The following GRIK2 variants were observed in gnomAD, a reference collection of about 807,000 sequenced individuals.
GRIK2 encodes the protein glutamate ionotropic receptor kainate type subunit 2.
GRIK2 carries 32 observed loss-of-function variants against 100.3 expected under a neutral mutation model. That is an observed-to-expected ratio of 0.32 (90% CI 0.24 to 0.43). The LOEUF is 0.43. GRIK2 is among the 20% of genes least tolerant of loss of function. The pLI, the probability that GRIK2 is intolerant of heterozygous loss-of-function variation, is 1.00. For missense variants in GRIK2, 843 were observed against 1,114.9 expected (o/e 0.76, Z 3.47); for synonymous variants, 417 against 389.4 (o/e 1.07, Z -0.83).
intron 14 of GRIK2, among the ~76,000 whole-genome samples, chr6:102,024,024 T>C (rs1255690858): frequency 6.6e-6 from 1 of 151,282 alleles, no homozygotes; most frequent in Admixed American, 6.6e-5. Context: ...AAAAAGAGTC[T>C]AAAATCATAG....
At chr6:101,699,758 G>A (rs1018184764) in intron 7 of GRIK2, among the ~76,000 whole-genome samples, 2 of 152,076 alleles carry the variant, frequency 1.3e-5, no homozygotes, top group African/African-American at 2.4e-5. Flanking sequence ...TCTCAGTAAA[G>A]CCAAATATAC....
At chr6:102,063,648 C>A (rs995931432) in intron 16 of GRIK2, among the ~76,000 whole-genome samples, 1 of 150,176 alleles carries the variant, frequency 6.7e-6, no homozygotes, top group African/African-American at 2.4e-5. Flanking sequence ...GGAAGTTAAG[C>A]TTTTAAGAAT....
At chr6:101,792,677 T>C (rs1779966502) in intron 7 of GRIK2, among the ~76,000 whole-genome samples, 1 of 152,128 alleles carries the variant, frequency 6.6e-6, no homozygotes, top group South Asian at 2.1e-4. Flanking sequence ...AATCTGACAA[T>C]TATGTGTCTT....
At chr6:101,835,027 T>C (rs1011859784) in intron 10 of GRIK2, among the ~76,000 whole-genome samples, 5 of 150,872 alleles carry the variant, frequency 3.3e-5, no homozygotes, top group African/African-American at 1.2e-4. Context: ...CTTACATACA[T>C]ACATAAAGTC....
chr6:101,455,794 T>C (rs1402222392), intron 2 of GRIK2, among the ~76,000 whole-genome samples: 1 of 152,246 alleles, frequency 6.6e-6, no homozygotes, highest in Admixed American at 6.5e-5. Context: ...TCAGGTTTAG[T>C]AGGAGAGAAA....
At chr6:102,022,737 T>A (rs1769495279) in intron 14 of GRIK2, among the ~76,000 whole-genome samples, 1 of 151,634 alleles carries the variant, frequency 6.6e-6, no homozygotes, top group Non-Finnish European at 1.5e-5. Flanking sequence ...CATTGTACCT[T>A]CATCACTTGA....
intron 10 of GRIK2, among the ~76,000 whole-genome samples, chr6:101,823,088 G>A (rs543043340): frequency 1.3e-4 from 20 of 152,030 alleles, no homozygotes; most frequent in East Asian, 1.2e-3. Flanking sequence ...CTACTCTTGC[G>A]TGAATATGTT....
intron 15 of GRIK2, among the ~76,000 whole-genome samples, chr6:102,039,776 G>C (rs1393686052): frequency 6.6e-6 from 1 of 151,506 alleles, no homozygotes; most frequent in African/African-American, 2.4e-5. Flanking sequence ...ATTAGGGCCA[G>C]TTGGTATTAT....
intron 11 of GRIK2, among the ~76,000 whole-genome samples, chr6:101,885,363 G>A (rs1045480209): frequency 2.0e-5 from 3 of 152,062 alleles, no homozygotes; most frequent in Non-Finnish European, 4.4e-5. Context: ...TAAAACAACA[G>A]AAATGGATAT....
chr6:102,028,976 A>T (rs1562122929), intron 14 of GRIK2, among the ~76,000 whole-genome samples: 1 of 151,274 alleles, frequency 6.6e-6, no homozygotes. Flanking sequence ...CTAATAGAAA[A>T]TTATTTTATG....
At chr6:101,519,300 CGTGTG>C (rs3222083) in intron 2 of GRIK2, among the ~76,000 whole-genome samples, 2 of 140,986 alleles carry the variant, frequency 1.4e-5, no homozygotes, top group South Asian at 2.4e-4. Context: ...CGGAGTTAAA[CGTGTG>C]TGTGTGTGTG....
At chr6:101,589,223 G>A (rs1279505329) in intron 2 of GRIK2, among the ~76,000 whole-genome samples, 1 of 152,078 alleles carries the variant, frequency 6.6e-6, no homozygotes, top group African/African-American at 2.4e-5. Flanking sequence ...TGTATAACAT[G>A]ATGTTTTGAA....
chr6:102,016,480 GTAAC>G, intron 14 of GRIK2, among the ~76,000 whole-genome samples: 1 of 151,492 alleles, frequency 6.6e-6, no homozygotes, highest in Non-Finnish European at 1.5e-5. Context: ...GTATACATAT[GTAAC>G]TAACCTGCAC....
intron 2 of GRIK2, among the ~76,000 whole-genome samples, chr6:101,477,235 G>A (rs1189459729): frequency 6.6e-6 from 1 of 152,100 alleles, no homozygotes; most frequent in Non-Finnish European, 1.5e-5. Context: ...TGGGTAGTAT[G>A]CCCAGAACAA....
intron 7 of GRIK2, among the ~76,000 whole-genome samples, chr6:101,794,105 C>T (rs541782348): frequency 4.6e-5 from 7 of 152,238 alleles, no homozygotes; most frequent in Admixed American, 3.3e-4. Flanking sequence ...TTTCCAGGTG[C>T]TGTCTGTCAC....
At chr6:101,577,838 G>T (rs748669917) in intron 2 of GRIK2, among the ~76,000 whole-genome samples, 1 of 152,110 alleles carries the variant, frequency 6.6e-6, no homozygotes, top group Non-Finnish European at 1.5e-5. Flanking sequence ...GAGAGAGAAG[G>T]GACCAAAGGA....
intron 12 of GRIK2, among the ~76,000 whole-genome samples, chr6:101,910,842 C>CACACACACACACACAA (rs2128465461): frequency 6.7e-6 from 1 of 149,402 alleles, no homozygotes; most frequent in African/African-American, 2.5e-5. Context: ...ACATACACCA[C>CACACACACACACACAA]ACACACACAC....
At chr6:101,741,513 T>G (rs775074527) in intron 7 of GRIK2, among the ~76,000 whole-genome samples, 8 of 152,190 alleles carry the variant, frequency 5.3e-5, no homozygotes, top group Non-Finnish European at 1.0e-4. Context: ...ACTCACTGAA[T>G]CCTCAAAATT....
In GRIK2 at chr6:101,470,435, G is replaced by A. The variant is rs77831779; in HGVS notation, c.115+71043G>A. Among the ~76,000 whole-genome samples the A allele has an allele frequency of 6.6e-3, 1,010 of 152,282 alleles. 7 individuals carry two copies. Among genetic ancestry groups the A allele is most frequent in the South Asian group, 0.013 (62 of 4,828 alleles). ...CTTTCCAATTTCTTTGCTCAGTTATGTAGTGGGAGAATCAGTAAGTTTGTT... is the reference window on the plus strand; with the variant it reads ...CTTTCCAATTTCTTTGCTCAGTTATATAGTGGGAGAATCAGTAAGTTTGTT... On this transcript the variant is annotated intron_variant, in intron 2 of 16. Transcript: ENST00000369134.
Sources: allele counts gnomAD v4.1 joint callset (sites outside exome capture counted in the v4.1 genomes callset), GRCh38; gene constraint gnomAD v4.1.1; transcripts MANE v1.5; gene names NCBI Gene and HGNC (gene_info 2026-07-23, HGNC 2026-07-21).